The following MROH7 variants were observed in gnomAD, a reference collection of about 807,000 sequenced individuals.
MROH7 encodes the protein maestro heat like repeat family member 7.
A neutral mutation model predicts 129.2 loss-of-function variants in MROH7; 113 were observed. The observed-to-expected ratio is 0.87, with a 90% confidence interval of 0.75 to 1.02. The LOEUF is 1.02. Ranked by LOEUF, MROH7 falls within the 50% of genes least tolerant of loss-of-function variation. The pLI, the probability that MROH7 is intolerant of heterozygous loss-of-function variation, is 0.00. For missense variants in MROH7, 1,601 were observed against 1,671.3 expected (o/e 0.96, Z 0.73); for synonymous variants, 655 against 667.9 (o/e 0.98, Z 0.30).
intron 6 of MROH7, 65 bp downstream of exon 6, chr1:54,670,641 C>T: frequency 6.6e-7 from 1 of 1,525,190 alleles, no homozygotes; most frequent in Admixed American, 1.9e-5. Flanking sequence ...CTGCCTCCCT[C>T]CATCTCTTCG....
chr1:54,668,847 C>A lies in MROH7; in HGVS notation c.1306-7C>A, dbSNP rs757295287. On this transcript the variant is annotated splice_polypyrimidine_tract_variant and splice_region_variant and intron_variant, in intron 4 of 23. Coordinates refer to ENST00000421030, the MANE Select transcript of MROH7 (RefSeq NM_001039464.4). ...ACTCTGAGGTTTTGCCCTCTGCTGT[C>A]CCCTAGGTTGAGAATGTCACCACCC... 6.2e-7 allele frequency: 1 copy of A among 1,612,544 alleles called. No homozygotes were observed.
In MROH7 at chr1:54,674,029, T is replaced by A. The variant is rs745852999; in HGVS notation, c.1814T>A (p.Phe605Tyr). 20 of 1,613,982 alleles carry A rather than the reference T, an allele frequency of 1.2e-5. No individual in the cohort carries two copies. The highest frequency in any genetic ancestry group is 1.7e-4 in the Middle Eastern group (1 of 6,058). Residue 605 changes from phenylalanine to tyrosine, a missense_variant, in exon 10 of 24, where the codon TTC becomes TAC. Transcript: ENST00000421030. Reference sequence around the variant, plus strand: ...CAATACAAACAGATGCCCTTGGGGTTCCCGGCGCTGGGGCTTCTGCTGGGG... The same window carrying A: ...CAATACAAACAGATGCCCTTGGGGTACCCGGCGCTGGGGCTTCTGCTGGGG... ...LTLPFFMPLG[F>Y]PALGLLLGRL...
intron 16 of MROH7, 50 bp downstream of exon 16, chr1:54,692,611 G>A (rs1338693290): frequency 1.9e-6 from 3 of 1,581,134 alleles, no homozygotes; most frequent in East Asian, 2.2e-5. Flanking sequence ...GAAAGAGGGG[G>A]ACCTCAGGAT....
At chr1:54,684,102 T>G (rs959919590) in intron 14 of MROH7, among the ~76,000 whole-genome samples, 3 of 152,338 alleles carry the variant, frequency 2.0e-5, no homozygotes, top group Non-Finnish European at 4.4e-5. Context: ...TTTCAATAAG[T>G]GTTTAGTGAG....
chr1:54,672,980 G>T, intron 7 of MROH7, 111 bp from the exon 8 acceptor site: 1 of 691,520 alleles, frequency 1.4e-6, no homozygotes, highest in South Asian at 1.8e-5. Flanking sequence ...CCAGAAAGCA[G>T]CTTTCCTGGG....
intron 15 of MROH7, among the ~76,000 whole-genome samples, chr1:54,690,188 A>ACTCTATTTTTTCACG (rs1427034658): frequency 6.6e-6 from 1 of 152,066 alleles, no homozygotes; most frequent in Non-Finnish European, 1.5e-5. Flanking sequence ...CCTCCTCCCA[A>ACTCTATTTTTTCACG]AAGTTTCAAC....
intron 15 of MROH7, among the ~76,000 whole-genome samples, chr1:54,687,519 A>C (rs1645167754): frequency 6.6e-6 from 1 of 152,232 alleles, no homozygotes; most frequent in Non-Finnish European, 1.5e-5. Context: ...TTGCTTGTTT[A>C]TATGTCTTTA....
chr1:54,707,030 A>AT (rs1053441408), intron 22 of MROH7, among the ~76,000 whole-genome samples: 66 of 152,178 alleles, frequency 4.3e-4, no homozygotes, highest in African/African-American at 1.4e-3. Context: ...GAATGAGAAT[A>AT]TTTTTTAAAA....
In MROH7 at chr1:54,706,414, T is replaced by C. The variant is rs144589293; in HGVS notation, c.3565-21T>C. 2.3e-5 allele frequency: 36 copies of C among 1,591,078 alleles called. No individual in the cohort carries two copies. In the African/African-American group the frequency reaches 4.6e-4, roughly 20 times the overall value. On this transcript the variant is annotated intron_variant, in intron 21 of 23. Coordinates refer to ENST00000421030, the MANE Select transcript of MROH7 (RefSeq NM_001039464.4). ...GGTTCCTCTGAGAGGCCAGCACTTT[T>C]GGGGTTTCTCTTTGTCCTAGGTGAA... is the stretch of plus-strand genomic sequence containing the variant.
Position 54,700,424 on chromosome 1 carries a change from T to C in MROH7, c.3068T>C (p.Ile1023Thr). Residue 1023 changes from isoleucine to threonine, a missense_variant, in exon 18 of 24, where the codon ATT (isoleucine) becomes ACT (threonine). By Grantham distance (89) the Ile-to-Thr change is moderately conservative (BLOSUM62 -1). Transcript: ENST00000421030. ...HHDPIMKVLS[I>T]RGLVILARRS... ...GACCCCATCATGAAGGTGCTGTCCA[T>C]TCGAGGCCTGGTCATCCTGGCCCGC... 1 of 1,610,298 alleles carries C rather than the reference T, an allele frequency of 6.2e-7. No individual in the cohort carries two copies. The highest frequency in any genetic ancestry group is 8.5e-7 in the Non-Finnish European group (1 of 1,177,696).
intron 3 of MROH7, among the ~76,000 whole-genome samples, chr1:54,657,220 T>A (rs184549966): frequency 4.5e-4 from 68 of 151,694 alleles, no homozygotes; most frequent in Middle Eastern, 3.4e-3. Flanking sequence ...GCTAATTTTT[T>A]AAATATTTTT....
chr1:54,660,184 A>G (rs1644710614), intron 3 of MROH7, among the ~76,000 whole-genome samples: 1 of 152,226 alleles, frequency 6.6e-6, no homozygotes. Context: ...TGGAAGTCCA[A>G]GATCAAGGCA....
rs1431005744 is a variant in MROH7, at chr1:54,653,666, C to T, written c.740C>T (p.Thr247Ile). The T allele has an allele frequency of 6.2e-7, 1 of 1,614,140 alleles. No individual in the cohort carries two copies. Among genetic ancestry groups the T allele is most frequent in the Non-Finnish European group, 8.5e-7 (1 of 1,180,014 alleles). Residue 247 changes from threonine to isoleucine, a missense_variant, in exon 3 of 24, where the codon ACC becomes ATC. Coordinates refer to ENST00000421030, the MANE Select transcript of MROH7 (RefSeq NM_001039464.4). ...HGTLIPDTNE[T>I]ITLASHNISE... ...ACCCTAATCCCAGACACAAATGAGA[C>T]CATCACTTTGGCTTCACATAATATC...
intron 2 of MROH7, 97 bp from the exon 3 acceptor site, chr1:54,652,756 A>G: frequency 1.2e-6 from 1 of 864,918 alleles, no homozygotes; most frequent in Non-Finnish European, 1.7e-6. Flanking sequence ...GGGCCTTGTA[A>G]GTCACAGCAA....
chr1:54,699,660 G>A (rs77492113), intron 17 of MROH7: 2,508 of 174,126 alleles, frequency 0.014, 60 homozygotes, highest in African/African-American at 0.056. Flanking sequence ...CACATATTCC[G>A]CACCAGAGTT....
chr1:54,648,534 T>G (rs1644507164), intron 1 of MROH7, among the ~76,000 whole-genome samples: 1 of 151,414 alleles, frequency 6.6e-6, no homozygotes, highest in African/African-American at 2.4e-5. Flanking sequence ...CCTGGCTAAT[T>G]TTTTGTATTT....
chr1:54,701,359 G>A (rs1569992810), intron 19 of MROH7, 37 bp downstream of exon 19: 10 of 1,506,512 alleles, frequency 6.6e-6, no homozygotes, highest in South Asian at 2.7e-5. Context: ...AGGAGGGATC[G>A]AGAAGGGGGT....
At chr1:54,707,124 A>AAAAC (rs568365768) in intron 22 of MROH7, among the ~76,000 whole-genome samples, 60 of 152,266 alleles carry the variant, frequency 3.9e-4, no homozygotes, top group African/African-American at 1.0e-3. Flanking sequence ...CTTTTTGGAA[A>AAAAC]AAACAAACAA....
intron 21 of MROH7, among the ~76,000 whole-genome samples, chr1:54,704,793 CTTTTTT>C (rs750428757): frequency 2.9e-5 from 2 of 67,830 alleles, no homozygotes; most frequent in East Asian, 1.2e-3. Flanking sequence ...CAATGTAGCT[CTTTTTT>C]TTTTTTTTTT....
Sources: gnomAD v4.1 joint callset for allele counts (sites outside exome capture counted in the v4.1 genomes callset) on GRCh38, gnomAD v4.1.1 for gene constraint, MANE v1.5 for transcripts, NCBI Gene and HGNC (gene_info 2026-07-23, HGNC 2026-07-21) for gene names.